JAKMIP3: variants seen among roughly 807,000 people sequenced by gnomAD.
JAKMIP3 encodes the protein janus kinase and microtubule-interacting protein 3.
JAKMIP3 carries 58 observed loss-of-function variants against 118.5 expected under a neutral mutation model. The observed-to-expected ratio is 0.49, with a 90% CI of 0.40 to 0.61. JAKMIP3 has a LOEUF of 0.61. Among genes scored for constraint, JAKMIP3 ranks in the 20% least tolerant of loss-of-function variants. The pLI is 0.00. For synonymous variants in JAKMIP3, 486 were observed against 451.2 expected (o/e 1.08, Z -0.98); for missense variants, 950 against 1,109.0 (o/e 0.86, Z 2.04).
At chr10:132,174,371 G>T (rs1474077749) in intron 23 of JAKMIP3, among the ~76,000 whole-genome samples, 1 of 152,154 alleles carries the variant, frequency 6.6e-6, no homozygotes, top group African/African-American at 2.4e-5. Context: ...TCCTTGTGCT[G>T]TGTGGCTCTG....
chr10:132,165,976 T>C (rs1373596762), intron 21 of JAKMIP3, among the ~76,000 whole-genome samples: 2 of 152,208 alleles, frequency 1.3e-5, no homozygotes, highest in Non-Finnish European at 2.9e-5. Flanking sequence ...CCAAACCAAA[T>C]GTCTGTTTCA....
intron 1 of JAKMIP3, among the ~76,000 whole-genome samples, chr10:132,091,829 T>C (rs1432837266): frequency 1.3e-5 from 2 of 152,212 alleles, no homozygotes; most frequent in Non-Finnish European, 2.9e-5. Flanking sequence ...GTTAGTTGGT[T>C]ATTTTGCTCG....
At chr10:132,159,699 C>T (rs1198004394) in intron 19 of JAKMIP3, among the ~76,000 whole-genome samples, 17 of 88,540 alleles carry the variant, frequency 1.9e-4, no homozygotes, top group African/African-American at 5.3e-4. Context: ...GCTCAGGGGG[C>T]CTCTCCCTGT....
chr10:132,063,213 G>T (rs1018931734), upstream of JAKMIP3, among the ~76,000 whole-genome samples: 1 of 152,202 alleles, frequency 6.6e-6, no homozygotes, highest in Non-Finnish European at 1.5e-5. Context: ...GCCTCGTGGT[G>T]CCTGGTGAGG....
intron 19 of JAKMIP3, among the ~76,000 whole-genome samples, chr10:132,158,939 TG>T (rs67324040): frequency 0.014 from 867 of 61,782 alleles, 185 homozygotes; most frequent in Middle Eastern, 0.023. Flanking sequence ...TTTGTGATGC[TG>T]GGGGGGGGGA....
Position 132,148,023 on chromosome 10 carries a change from G to A in JAKMIP3, c.1821G>A (p.Leu607=). ...EVQDARDQNE[L]LEFRILELEE... is the part of the protein sequence containing the mutation. ...AGGACGCCAGAGACCAAAACGAGCT[G>A]CTGGAGTTCAGGATCCTGGAGCTTG... is the stretch of plus-strand genomic sequence containing the variant. The change falls in exon 14 of 24, where the codon CTG becomes CTA. Residue 607 remains leucine, a synonymous_variant. Coordinates refer to ENST00000684848, the MANE Select transcript of JAKMIP3 (RefSeq NM_001323087.2). 6.2e-7 allele frequency: 1 copy of A among 1,610,172 alleles called. No homozygotes were observed. Among genetic ancestry groups the A allele is most frequent in the Non-Finnish European group, 8.5e-7 (1 of 1,178,306 alleles).
At chr10:132,137,926 G>A (rs751855186) in intron 8 of JAKMIP3, among the ~76,000 whole-genome samples, 193 bp from the exon 9 acceptor site, 17 of 152,316 alleles carry the variant, frequency 1.1e-4, no homozygotes, top group Non-Finnish European at 1.5e-4. Context: ...GGAGCCGTCC[G>A]TGTCACCCTG....
intron 1 of JAKMIP3, among the ~76,000 whole-genome samples, chr10:132,088,804 T>A (rs942284811): frequency 1.6e-4 from 24 of 152,178 alleles, no homozygotes; most frequent in African/African-American, 5.5e-4. Flanking sequence ...CTGAATGGTA[T>A]TGCCTAGGTT....
At chr10:132,064,399 C>T (rs879387763), upstream of JAKMIP3, among the ~76,000 whole-genome samples, 4 of 152,128 alleles carry the variant, frequency 2.6e-5, no homozygotes, top group Non-Finnish European at 2.9e-5. The surrounding 1 kb of genome is among the most constrained non-coding windows in gnomAD (Gnocchi z 4.4). Flanking sequence ...GGCCTGCCTC[C>T]GACTGAGGAG....
At chr10:132,068,940 T>A (rs1453118400) in intron 1 of JAKMIP3, among the ~76,000 whole-genome samples, 1 of 152,094 alleles carries the variant, frequency 6.6e-6, no homozygotes, top group Non-Finnish European at 1.5e-5. Flanking sequence ...CTAGGGAAAG[T>A]GACTCCGGCC....
chr10:132,054,224 CTG>C (rs1166475382), intron 1 of JAKMIP3, among the ~76,000 whole-genome samples: 1 of 152,052 alleles, frequency 6.6e-6, no homozygotes, highest in East Asian at 1.9e-4. Context: ...TCTGTGTAAA[CTG>C]TGGCTCGGAG....
intron 1 of JAKMIP3, among the ~76,000 whole-genome samples, chr10:132,066,478 A>T (rs1225463314): frequency 6.6e-6 from 1 of 152,200 alleles, no homozygotes; most frequent in East Asian, 1.9e-4. Context: ...CTGTCTGCAC[A>T]GCCCGGGAGG....
chr10:132,164,955 G>A (rs556410107), intron 21 of JAKMIP3, among the ~76,000 whole-genome samples: 1 of 152,326 alleles, frequency 6.6e-6, no homozygotes, highest in Admixed American at 6.5e-5. Context: ...CCGGAGACAG[G>A]AGCCCCAGGG....
chr10:132,152,905 C>A, intron 16 of JAKMIP3, 53 bp from the exon 17 acceptor site: 1 of 1,425,572 alleles, frequency 7.0e-7, no homozygotes, highest in Admixed American at 1.9e-5. Flanking sequence ...CACTCACCCT[C>A]ACCCCCAAAG....
Position 132,133,301 on chromosome 10 carries a change from TCTC to T in JAKMIP3, c.634-8_634-6del. ...TGCCGCCTGTGTGATTGTGTTCTGT[TCTC>T]CTTGTAGATGGAGGAGATAAAATTT... On this transcript the variant is annotated splice_region_variant and splice_polypyrimidine_tract_variant and intron_variant, in intron 3 of 23. Transcript: ENST00000684848. The T allele has an allele frequency of 6.4e-7, 1 of 1,566,778 alleles. No individual in the cohort carries two copies.
intron 1 of JAKMIP3, among the ~76,000 whole-genome samples, chr10:132,102,292 C>T (rs1274847385): frequency 6.6e-6 from 1 of 152,112 alleles, no homozygotes; most frequent in Non-Finnish European, 1.5e-5. Flanking sequence ...CGAGCACCCT[C>T]TCCTTTGTAA....
intron 1 of JAKMIP3, among the ~76,000 whole-genome samples, chr10:132,073,074 A>G (rs911777757): frequency 6.6e-6 from 1 of 152,220 alleles, no homozygotes; most frequent in Non-Finnish European, 1.5e-5. Flanking sequence ...TCTGCAAAAG[A>G]CATGATTTCA....
At chr10:132,072,507 C>A (rs568344414) in intron 1 of JAKMIP3, among the ~76,000 whole-genome samples, 7 of 152,188 alleles carry the variant, frequency 4.6e-5, no homozygotes, top group Admixed American at 4.6e-4. Context: ...AGCACTCCAA[C>A]CTGGGGGACA....
intron 16 of JAKMIP3, among the ~76,000 whole-genome samples, chr10:132,152,037 G>A (rs770458885): frequency 1.8e-4 from 27 of 152,174 alleles, no homozygotes; most frequent in Non-Finnish European, 3.5e-4. Flanking sequence ...TTAAAGTGTT[G>A]GGAGAGGTCT....
Sources: allele counts gnomAD v4.1 joint callset (sites outside exome capture counted in the v4.1 genomes callset), GRCh38; gene constraint gnomAD v4.1.1; non-coding constraint Gnocchi (gnomAD v3.1); transcripts MANE v1.5; gene names NCBI Gene and HGNC (gene_info 2026-07-23, HGNC 2026-07-21).